Variants in RBFOX1 observed in about 807,000 individuals in gnomAD.
RBFOX1 encodes RNA binding protein fox-1 homolog 1.
RBFOX1 carries 8 observed loss-of-function variants against 57.7 expected under a neutral mutation model. The ratio of observed to expected loss-of-function variants is 0.14; its 90% CI spans 0.08 to 0.25. The LOEUF is 0.25. RBFOX1 is among the 10% of genes least tolerant of loss of function. The probability of loss-of-function intolerance (pLI) is 1.00; values close to 1 mark genes in which losing one functional copy is unlikely to be tolerated. For synonymous variants in RBFOX1, 326 were observed against 222.4 expected, an observed-to-expected ratio of 1.47 and a Z score of -4.15; for missense variants, 611 against 548.5, an observed-to-expected ratio of 1.11 and a Z score of -1.14.
At chr16:7,171,747 A>T (rs1432160853) in intron 4 of RBFOX1, among the ~76,000 whole-genome samples, 1 of 152,204 alleles carries the variant, frequency 6.6e-6, no homozygotes, top group African/African-American at 2.4e-5. Context: ...GTAATAACTC[A>T]TTATCAATCT....
At chr16:5,678,333 TA>T (rs1463938161) in intron 3 of RBFOX1, among the ~76,000 whole-genome samples, 1 of 152,246 alleles carries the variant, frequency 6.6e-6, no homozygotes, top group Admixed American at 6.5e-5. Context: ...GTCTTGTTCT[TA>T]AGCCTCTGTT....
intron 4 of RBFOX1, among the ~76,000 whole-genome samples, chr16:7,181,344 C>G (rs1372399868): frequency 6.6e-6 from 1 of 152,152 alleles, no homozygotes; most frequent in Non-Finnish European, 1.5e-5. Flanking sequence ...CCTCTCCAAA[C>G]CCCTTTGGTT....
chr16:5,937,093 T>G (rs2152258568), intron 4 of RBFOX1, among the ~76,000 whole-genome samples: 1 of 152,278 alleles, frequency 6.6e-6, no homozygotes, highest in South Asian at 2.1e-4. Flanking sequence ...AGGGCTAAAG[T>G]CTAGTGTGGA....
chr16:5,688,716 G>A (rs2050578405), intron 3 of RBFOX1, among the ~76,000 whole-genome samples: 1 of 152,192 alleles, frequency 6.6e-6, no homozygotes, highest in South Asian at 2.1e-4. Flanking sequence ...TGACATAATG[G>A]CAAAGACTGA....
chr16:7,560,282 C>T (rs1170872213), intron 5 of RBFOX1, among the ~76,000 whole-genome samples: 1 of 152,224 alleles, frequency 6.6e-6, no homozygotes, highest in Non-Finnish European at 1.5e-5. Context: ...ACCCTCCCTA[C>T]ATCTCTGATC....
At chr16:6,908,090 C>T (rs892199166) in intron 3 of RBFOX1, among the ~76,000 whole-genome samples, 4 of 151,776 alleles carry the variant, frequency 2.6e-5, no homozygotes, top group African/African-American at 9.7e-5. Context: ...AATAAGGTCA[C>T]ATTCACAGCT....
intron 3 of RBFOX1, among the ~76,000 whole-genome samples, chr16:6,950,384 C>A (rs8059759): frequency 7.1e-6 from 1 of 140,368 alleles, no homozygotes; most frequent in Non-Finnish European, 1.6e-5. Flanking sequence ...GTCCACCCAC[C>A]ACCCACTACC....
At chr16:7,257,504 G>A (rs1056470838) in intron 4 of RBFOX1, among the ~76,000 whole-genome samples, 2 of 152,142 alleles carry the variant, frequency 1.3e-5, no homozygotes, top group Non-Finnish European at 2.9e-5. Context: ...GGTTTCACCT[G>A]CTTAATGAGC....
At chr16:7,597,253 T>A in intron 8 of RBFOX1, 118 bp from the exon 9 acceptor site, 1 of 643,416 alleles carries the variant, frequency 1.6e-6, no homozygotes, top group East Asian at 3.0e-5. Flanking sequence ...TAAATTAAAA[T>A]GCATTTTACT....
intron 3 of RBFOX1, among the ~76,000 whole-genome samples, chr16:6,933,767 G>A (rs1184740613): frequency 6.6e-6 from 1 of 152,112 alleles, no homozygotes; most frequent in Non-Finnish European, 1.5e-5. Flanking sequence ...GAAGAAGTAT[G>A]GTCAGAACAT....
In RBFOX1 at chr16:7,165,700, A is replaced by C. The variant is rs2079336106; in HGVS notation, c.27+113602A>C. Among the ~76,000 whole-genome samples, 4 of 151,932 alleles carry C rather than the reference A, an allele frequency of 2.6e-5. No homozygotes were observed. In the South Asian group the frequency reaches 8.3e-4, roughly 32 times the overall value. On this transcript the variant is annotated intron_variant, in intron 4 of 15. Coordinates refer to ENST00000550418, the MANE Select transcript of RBFOX1 (RefSeq NM_018723.4). ...TGCCTCAGCCTTCCAAAGTGTTGGG[A>C]TTACAAGTGAGAGCCACTGTGCCTA...
chr16:6,344,048 C>T (rs1198044178), intron 2 of RBFOX1, among the ~76,000 whole-genome samples: 1 of 152,174 alleles, frequency 6.6e-6, no homozygotes, highest in Non-Finnish European at 1.5e-5. Context: ...TTCTTCATCT[C>T]TATTTCTCGT....
intron 2 of RBFOX1, among the ~76,000 whole-genome samples, chr16:5,531,472 CTTTA>C (rs1405488918): frequency 6.6e-6 from 1 of 152,120 alleles, no homozygotes; most frequent in African/African-American, 2.4e-5. Context: ...TAAGTTCACT[CTTTA>C]TTTGTTAAGT....
intron 3 of RBFOX1, among the ~76,000 whole-genome samples, chr16:7,050,881 TGGTA>T (rs1184159945): frequency 5.3e-5 from 8 of 152,080 alleles, no homozygotes. Context: ...CTAATCTTAG[TGGTA>T]ATATTTCTGG....
chr16:5,810,819 A>G (rs1214235514), intron 3 of RBFOX1, among the ~76,000 whole-genome samples: 1 of 152,200 alleles, frequency 6.6e-6, no homozygotes, highest in Non-Finnish European at 1.5e-5. Flanking sequence ...AATCATCACA[A>G]AATTCAAATT....
intron 3 of RBFOX1, among the ~76,000 whole-genome samples, chr16:6,716,795 C>G (rs1388302267): frequency 6.6e-6 from 1 of 151,898 alleles, no homozygotes; most frequent in Non-Finnish European, 1.5e-5. Context: ...GTGAAAGTAA[C>G]AGGATATAAG....
intron 14 of RBFOX1, among the ~76,000 whole-genome samples, chr16:7,686,041 A>T (rs1004430623): frequency 1.3e-5 from 2 of 152,026 alleles, no homozygotes; most frequent in Non-Finnish European, 2.9e-5. Context: ...GGATTAATGG[A>T]TGACCATTGC....
intron 1 of RBFOX1, among the ~76,000 whole-genome samples, chr16:6,234,261 T>C (rs2097488081): frequency 6.6e-6 from 1 of 152,226 alleles, no homozygotes; most frequent in Non-Finnish European, 1.5e-5. Flanking sequence ...ACTGTCAATT[T>C]TTTACAGAAG....
intron 2 of RBFOX1, among the ~76,000 whole-genome samples, chr16:5,484,064 A>T (rs557938146): frequency 2.4e-4 from 36 of 152,200 alleles, no homozygotes; most frequent in Admixed American, 6.5e-4. Context: ...CCAACTACTC[A>T]GGAAGCTGAG....
Sources: allele counts gnomAD v4.1 joint callset (sites outside exome capture counted in the v4.1 genomes callset), GRCh38; gene constraint gnomAD v4.1.1; transcripts MANE v1.5; gene names NCBI Gene and HGNC (gene_info 2026-07-23, HGNC 2026-07-21).